Variants in OR6N1 observed in about 807,000 individuals in gnomAD.
OR6N1 encodes olfactory receptor family 6 subfamily N member 1, also known as olfactory receptor 6N1.
For missense variants in OR6N1, 394 were observed against 371.7 expected (o/e 1.06, Z -0.49); for synonymous variants, 170 against 150.7 (o/e 1.13, Z -0.94).
At chr1:158,820,175 T>C in the OR6N1 span, among the ~76,000 whole-genome samples, 1 of 152,234 alleles carries the variant, frequency 6.6e-6, no homozygotes, top group Non-Finnish European at 1.5e-5. Flanking sequence ...GCTTAAGAAC[T>C]CCTTAAGCAG....
At chr1:158,776,696 G>A (rs1657601941), upstream of OR6N1, 2 of 1,601,662 alleles carry the variant, frequency 1.2e-6, no homozygotes, top group African/African-American at 2.7e-5. Context: ...AGATGAGCAA[G>A]ACTAGCTTTA....
the OR6N1 span, chr1:158,777,640 G>A: frequency 6.3e-7 from 1 of 1,584,898 alleles, no homozygotes; most frequent in Non-Finnish European, 8.6e-7. Flanking sequence ...ATCCATGGGA[G>A]GCTGAGGTAA....
At chr1:158,777,006 A>T, upstream of OR6N1, 2 of 1,614,206 alleles carry the variant, frequency 1.2e-6, no homozygotes, top group Non-Finnish European at 1.7e-6. Flanking sequence ...TAAAGAAGAA[A>T]GTGATAAGAA....
the OR6N1 span, among the ~76,000 whole-genome samples, chr1:158,817,795 A>G: frequency 6.6e-6 from 1 of 152,336 alleles, no homozygotes; most frequent in East Asian, 1.9e-4. Context: ...TGAGGCCCAG[A>G]AGCAAAGGCT....
the OR6N1 span, among the ~76,000 whole-genome samples, chr1:158,803,652 A>G: frequency 2.6e-5 from 4 of 152,314 alleles, no homozygotes; most frequent in East Asian, 7.7e-4. Flanking sequence ...CTAACTGTAT[A>G]CCTGTATGGC....
At chr1:158,788,307 CTT>C in the OR6N1 span, among the ~76,000 whole-genome samples, 1 of 152,122 alleles carries the variant, frequency 6.6e-6, no homozygotes. Context: ...TCTCATCTAT[CTT>C]GTTTCTGTGC....
the OR6N1 span, among the ~76,000 whole-genome samples, chr1:158,811,373 AG>A: frequency 1.1e-4 from 17 of 151,774 alleles, no homozygotes; most frequent in Admixed American, 1.0e-3. Flanking sequence ...CTATTTGCCG[AG>A]CAGTGTTCTA....
chr1:158,837,605 C>A, the OR6N1 span, among the ~76,000 whole-genome samples: 1 of 151,602 alleles, frequency 6.6e-6, no homozygotes, highest in Non-Finnish European at 1.5e-5. Flanking sequence ...GTAAAATGAG[C>A]CTCTTGTATG....
chr1:158,774,064 C>A (rs1292874719), upstream of OR6N1, among the ~76,000 whole-genome samples: 1 of 152,190 alleles, frequency 6.6e-6, no homozygotes, highest in African/African-American at 2.4e-5. Context: ...AAACTATGAG[C>A]AGACTTCAGC....
chr1:158,794,651 G>C, the OR6N1 span, among the ~76,000 whole-genome samples: 1 of 152,188 alleles, frequency 6.6e-6, no homozygotes, highest in Non-Finnish European at 1.5e-5. Context: ...TAGTGTGTTG[G>C]CTTTCTTGAA....
chr1:158,839,118 A>C, the OR6N1 span, among the ~76,000 whole-genome samples: 1 of 152,052 alleles, frequency 6.6e-6, no homozygotes, highest in Non-Finnish European at 1.5e-5. Flanking sequence ...TTTTCTTTAA[A>C]ATTGACCATG....
the OR6N1 span, among the ~76,000 whole-genome samples, chr1:158,818,570 A>G: frequency 2.0e-5 from 3 of 152,190 alleles, no homozygotes; most frequent in Admixed American, 1.3e-4. Context: ...TGAGCTCTGA[A>G]AAGCTGTAGC....
the OR6N1 span, among the ~76,000 whole-genome samples, chr1:158,820,457 A>C: frequency 6.6e-6 from 1 of 152,216 alleles, no homozygotes; most frequent in African/African-American, 2.4e-5. Flanking sequence ...ATAATACTTA[A>C]TTGTAAGGTT....
the OR6N1 span, among the ~76,000 whole-genome samples, chr1:158,815,499 A>G: frequency 6.6e-6 from 1 of 152,044 alleles, no homozygotes; most frequent in Admixed American, 6.5e-5. Context: ...TAGGTCCTAG[A>G]GTAAATTTTA....
the OR6N1 span, among the ~76,000 whole-genome samples, chr1:158,798,138 C>T: frequency 6.6e-6 from 1 of 151,684 alleles, no homozygotes; most frequent in Admixed American, 6.6e-5. Context: ...ATTTTTGCCC[C>T]TCTCTCTCCT....
At chr1:158,795,722 G>A in the OR6N1 span, among the ~76,000 whole-genome samples, 1 of 152,260 alleles carries the variant, frequency 6.6e-6, no homozygotes, top group Admixed American at 6.5e-5. Context: ...GCTCCCCTCT[G>A]GGAATGTGTG....
the OR6N1 span, among the ~76,000 whole-genome samples, chr1:158,787,708 A>G: frequency 6.6e-6 from 1 of 151,468 alleles, no homozygotes; most frequent in Non-Finnish European, 1.5e-5. Flanking sequence ...TTTGAATAGT[A>G]TTTCTCCAGT....
the OR6N1 span, among the ~76,000 whole-genome samples, chr1:158,799,034 A>C: frequency 6.6e-6 from 1 of 152,206 alleles, no homozygotes; most frequent in African/African-American, 2.4e-5. Context: ...ACTTGCATGC[A>C]TAACATCCTG....
chr1:158,830,634 C>T, the OR6N1 span, among the ~76,000 whole-genome samples: 1 of 152,112 alleles, frequency 6.6e-6, no homozygotes, highest in East Asian at 1.9e-4. Flanking sequence ...TTTATCAGGC[C>T]CCCTATCATT....
Sources: gnomAD v4.1 joint callset for allele counts (sites outside exome capture counted in the v4.1 genomes callset) on GRCh38, gnomAD v4.1.1 for gene constraint, MANE v1.5 for transcripts, NCBI Gene and HGNC (gene_info 2026-07-23, HGNC 2026-07-21) for gene names.